Variants in MSI2 observed in about 807,000 individuals in gnomAD.
MSI2 encodes musashi RNA binding protein 2.
Under a neutral mutation model 45.6 loss-of-function variants are expected in MSI2, and 17 were observed. The observed-to-expected ratio is 0.37, with a 90% confidence interval of 0.26 to 0.56. MSI2 has a LOEUF of 0.56. Ranked by LOEUF, MSI2 falls within the 20% of genes least tolerant of loss-of-function variation. The pLI, the probability that MSI2 is intolerant of heterozygous loss-of-function variation, is 0.77. For missense variants in MSI2, 293 were observed against 444.2 expected, an observed-to-expected ratio of 0.66 and a Z score of 3.06; for synonymous variants, 156 against 158.2, an observed-to-expected ratio of 0.99 and a Z score of 0.11.
In MSI2 at chr17:57,667,828, G is replaced by A. The variant is rs543865274; in HGVS notation, c.791-7144G>A. 4.6e-5 allele frequency among the ~76,000 whole-genome samples: 7 copies of A among 152,196 alleles called. No homozygotes were observed. In the South Asian group the frequency reaches 6.2e-4, roughly 14 times the overall value. On this transcript the variant is annotated intron_variant, in intron 11 of 13. Coordinates refer to ENST00000284073, the MANE Select transcript of MSI2 (RefSeq NM_138962.4). ...CCTCCCTCACCCACCTTCCCAACCC[G>A]CCAGTCCAGAACCCACCCAGCCTGG...
intron 8 of MSI2, among the ~76,000 whole-genome samples, chr17:57,606,993 G>T (rs1272527485): frequency 6.6e-6 from 1 of 151,942 alleles, no homozygotes; most frequent in East Asian, 1.9e-4. Flanking sequence ...TGTGACCTTG[G>T]GCAAGTCATT....
At chr17:57,405,676 T>C (rs1405388366) in intron 6 of MSI2, among the ~76,000 whole-genome samples, 1 of 152,228 alleles carries the variant, frequency 6.6e-6, no homozygotes, top group African/African-American at 2.4e-5. Flanking sequence ...CTTCATCCTA[T>C]GAGTAAGAGC....
chr17:57,286,449 G>C (rs988818469), intron 5 of MSI2, among the ~76,000 whole-genome samples: 1 of 152,044 alleles, frequency 6.6e-6, no homozygotes, highest in African/African-American at 2.4e-5. Context: ...GCTCATCATC[G>C]AGTCCTGGCT....
intron 5 of MSI2, among the ~76,000 whole-genome samples, chr17:57,323,536 G>A (rs775852493): frequency 1.3e-5 from 2 of 152,240 alleles, no homozygotes; most frequent in African/African-American, 4.8e-5. Flanking sequence ...GGTTGGTGCC[G>A]CCTCCCTGGG....
At chr17:57,456,373 G>A (rs2085114605) in intron 6 of MSI2, among the ~76,000 whole-genome samples, 1 of 152,216 alleles carries the variant, frequency 6.6e-6, no homozygotes, top group Admixed American at 6.5e-5. Flanking sequence ...ACTTTGGGAG[G>A]CCAAGGCGGG....
intron 6 of MSI2, among the ~76,000 whole-genome samples, chr17:57,526,659 C>T (rs1041536536): frequency 4.6e-5 from 7 of 152,156 alleles, no homozygotes; most frequent in South Asian, 2.1e-4. Flanking sequence ...AGATTTCCAT[C>T]GCATTGATGG....
chr17:57,423,087 T>C (rs1567815050), intron 6 of MSI2, among the ~76,000 whole-genome samples: 1 of 152,162 alleles, frequency 6.6e-6, no homozygotes, highest in Non-Finnish European at 1.5e-5. Flanking sequence ...CCTTCAGATA[T>C]GTGGGTTCGA....
chr17:57,417,298 C>T (rs1229776635), intron 6 of MSI2, among the ~76,000 whole-genome samples: 1 of 152,094 alleles, frequency 6.6e-6, no homozygotes, highest in African/African-American at 2.4e-5. Flanking sequence ...GTGACTTGCC[C>T]CACACACCCC....
chr17:57,686,721 T>C (rs1372199635), downstream of MSI2, among the ~76,000 whole-genome samples: 5 of 152,200 alleles, frequency 3.3e-5, no homozygotes, highest in Admixed American at 1.3e-4. Flanking sequence ...TAAACTCTTA[T>C]GTCCCAATTA....
intron 5 of MSI2, among the ~76,000 whole-genome samples, chr17:57,375,170 A>G (rs9916654): frequency 0.82 from 124,663 of 152,100 alleles, 51,179 homozygotes; most frequent in Middle Eastern, 0.88. Context: ...AGACTTATGG[A>G]AGAAGAAGGA....
chr17:57,311,027 G>C (rs982709370), intron 5 of MSI2, among the ~76,000 whole-genome samples: 2 of 152,250 alleles, frequency 1.3e-5, no homozygotes, highest in Non-Finnish European at 2.9e-5. Context: ...GTGAGGATCT[G>C]ATGGGTTTCT....
At chr17:57,307,574 G>A (rs183341941) in intron 5 of MSI2, among the ~76,000 whole-genome samples, 20 of 152,208 alleles carry the variant, frequency 1.3e-4, no homozygotes, top group Admixed American at 4.6e-4. Context: ...ACAGGCACCT[G>A]CCACCACACC....
chr17:57,516,495 C>G (rs2086472870), intron 6 of MSI2, among the ~76,000 whole-genome samples: 1 of 152,162 alleles, frequency 6.6e-6, no homozygotes, highest in Admixed American at 6.5e-5. Context: ...GGTACACTTA[C>G]AAAGTTAAAC....
At chr17:57,291,336 G>A (rs1910400909) in intron 5 of MSI2, among the ~76,000 whole-genome samples, 1 of 152,150 alleles carries the variant, frequency 6.6e-6, no homozygotes, top group Non-Finnish European at 1.5e-5. Context: ...TACAGCTTTG[G>A]CTTTCTTACC....
chr17:57,464,115 GAGGA>G (rs1357955378), intron 6 of MSI2, among the ~76,000 whole-genome samples: 1 of 151,924 alleles, frequency 6.6e-6, no homozygotes, highest in Non-Finnish European at 1.5e-5. Context: ...GTGGGGAGTT[GAGGA>G]AGGAAGGAAG....
chr17:57,545,287 TA>T (rs1301404761), intron 7 of MSI2, among the ~76,000 whole-genome samples: 4 of 152,176 alleles, frequency 2.6e-5, no homozygotes, highest in African/African-American at 9.7e-5. Context: ...GGGCAAAGGT[TA>T]TCTGCGCTGA....
At chr17:57,273,631 G>A (rs918422004) in intron 5 of MSI2, among the ~76,000 whole-genome samples, 5 of 152,160 alleles carry the variant, frequency 3.3e-5, no homozygotes, top group Admixed American at 6.5e-5. Flanking sequence ...GGCAGTTTGC[G>A]TTTGGCAGGC....
At chr17:57,570,731 G>A (rs1048123668) in intron 7 of MSI2, among the ~76,000 whole-genome samples, 3 of 152,224 alleles carry the variant, frequency 2.0e-5, no homozygotes, top group African/African-American at 7.2e-5. Context: ...CCAGCATGGC[G>A]CCCACTGCAA....
At chr17:57,623,725 C>T (rs1225831320) in intron 9 of MSI2, among the ~76,000 whole-genome samples, 1 of 152,064 alleles carries the variant, frequency 6.6e-6, no homozygotes, top group African/African-American at 2.4e-5. Context: ...GTCATCCCAC[C>T]GTAATGTGGC....
Sources: gnomAD v4.1 joint callset for allele counts (sites outside exome capture counted in the v4.1 genomes callset) on GRCh38, gnomAD v4.1.1 for gene constraint, MANE v1.5 for transcripts, NCBI Gene and HGNC (gene_info 2026-07-23, HGNC 2026-07-21) for gene names.